EBF1: variants seen among roughly 807,000 people sequenced by gnomAD.
EBF1 encodes the protein EBF transcription factor 1.
EBF1 carries 10 observed loss-of-function variants against 68.4 expected under a neutral mutation model. The observed-to-expected ratio is 0.15, with a 90% CI of 0.09 to 0.25. EBF1 has a LOEUF of 0.25. Among genes scored for constraint, EBF1 ranks in the 10% least tolerant of loss-of-function variants. The probability of loss-of-function intolerance (pLI) is 1.00; values close to 1 mark genes in which losing one functional copy is unlikely to be tolerated. For synonymous variants in EBF1, 298 were observed against 299.8 expected (o/e 0.99, Z 0.06); for missense variants, 509 against 794.4 (o/e 0.64, Z 4.32).
At chr5:159,002,463 A>C (rs575495901) in intron 6 of EBF1, among the ~76,000 whole-genome samples, 6 of 152,184 alleles carry the variant, frequency 3.9e-5, no homozygotes, top group Non-Finnish European at 8.8e-5. Flanking sequence ...GTAGTTCATT[A>C]ATGTGAGACG....
intron 6 of EBF1, among the ~76,000 whole-genome samples, chr5:159,058,995 A>G (rs542339457): frequency 4.2e-4 from 64 of 152,350 alleles, no homozygotes; most frequent in African/African-American, 1.5e-3. Flanking sequence ...TTCCAGGGAC[A>G]TGGCCACTTC....
intron 6 of EBF1, among the ~76,000 whole-genome samples, chr5:158,982,810 G>T (rs1442299769): frequency 6.6e-6 from 1 of 151,630 alleles, no homozygotes; most frequent in African/African-American, 2.4e-5. Context: ...GTCTAAAAAG[G>T]GTCAAATTCC....
At chr5:158,832,779 A>T (rs1410901598) in intron 7 of EBF1, among the ~76,000 whole-genome samples, 1 of 152,188 alleles carries the variant, frequency 6.6e-6, no homozygotes, top group Non-Finnish European at 1.5e-5. Context: ...AACAGCAAAG[A>T]TTCTCCAAAA....
intron 10 of EBF1, among the ~76,000 whole-genome samples, chr5:158,738,182 T>G (rs1279263349): frequency 6.6e-6 from 1 of 152,188 alleles, no homozygotes; most frequent in Non-Finnish European, 1.5e-5. Flanking sequence ...TATCTCTTTC[T>G]TTTTGATGTT....
intron 6 of EBF1, among the ~76,000 whole-genome samples, chr5:159,001,352 A>T (rs1219904152): frequency 6.6e-6 from 1 of 152,194 alleles, no homozygotes; most frequent in African/African-American, 2.4e-5. Flanking sequence ...TAAATCTTCA[A>T]CAATTTTTAA....
At chr5:158,746,180 G>A (rs532811342) in intron 10 of EBF1, among the ~76,000 whole-genome samples, 10 of 152,256 alleles carry the variant, frequency 6.6e-5, no homozygotes, top group African/African-American at 1.9e-4. Flanking sequence ...ATGACAGGAC[G>A]CTGTTAGAGC....
chr5:158,991,206 C>A (rs1187390069), intron 6 of EBF1, among the ~76,000 whole-genome samples: 1 of 152,158 alleles, frequency 6.6e-6, no homozygotes, highest in African/African-American at 2.4e-5. Flanking sequence ...TTCCACAGAG[C>A]ACAATGCCTG....
chr5:159,078,727 C>T (rs904469619), intron 5 of EBF1, among the ~76,000 whole-genome samples: 4 of 152,336 alleles, frequency 2.6e-5, no homozygotes. Flanking sequence ...TGGTAGCCAG[C>T]ACCTGGTGTG....
At chr5:158,871,864 T>C (rs528456822) in intron 6 of EBF1, among the ~76,000 whole-genome samples, 86 of 152,206 alleles carry the variant, frequency 5.7e-4, no homozygotes, top group South Asian at 2.7e-3. Context: ...TTTTCTAGAA[T>C]TGAACTAAAA....
At chr5:158,963,489 G>GA (rs1267591212) in intron 6 of EBF1, among the ~76,000 whole-genome samples, 1 of 152,004 alleles carries the variant, frequency 6.6e-6, no homozygotes, top group Non-Finnish European at 1.5e-5. Flanking sequence ...CCCTCCAACT[G>GA]AAAAAACAAC....
intron 6 of EBF1, among the ~76,000 whole-genome samples, chr5:158,890,735 C>T (rs924598765): frequency 6.6e-6 from 1 of 152,210 alleles, no homozygotes; most frequent in African/African-American, 2.4e-5. Flanking sequence ...GTTTTATATA[C>T]TGAAGTTGAG....
chr5:158,893,776 A>G (rs1264471577), intron 6 of EBF1, among the ~76,000 whole-genome samples: 15 of 152,190 alleles, frequency 9.9e-5, no homozygotes, highest in Non-Finnish European at 2.2e-4. Flanking sequence ...GGAGACTTTA[A>G]GTTACTCTGC....
intron 6 of EBF1, among the ~76,000 whole-genome samples, chr5:158,992,714 A>G (rs574214234): frequency 6.6e-6 from 1 of 152,178 alleles, no homozygotes; most frequent in Admixed American, 6.5e-5. Flanking sequence ...CTTACCAATT[A>G]TATTCCTGGT....
intron 6 of EBF1, among the ~76,000 whole-genome samples, chr5:158,982,030 G>T (rs1758001983): frequency 6.6e-6 from 1 of 152,136 alleles, no homozygotes; most frequent in Non-Finnish European, 1.5e-5. Flanking sequence ...GAACTTGTTT[G>T]TGTTCCCACT....
chr5:159,036,277 C>G (rs538901818), intron 6 of EBF1, among the ~76,000 whole-genome samples: 1 of 152,200 alleles, frequency 6.6e-6, no homozygotes, highest in African/African-American at 2.4e-5. Context: ...CTACCAAGGA[C>G]TTCCTTCACA....
intron 6 of EBF1, among the ~76,000 whole-genome samples, chr5:158,894,965 C>A (rs1474478498): frequency 6.6e-6 from 1 of 152,134 alleles, no homozygotes; most frequent in African/African-American, 2.4e-5. Flanking sequence ...ACTATATATA[C>A]TGTATATTAT....
intron 7 of EBF1, among the ~76,000 whole-genome samples, chr5:158,831,818 A>T (rs945618587): frequency 2.0e-5 from 3 of 152,170 alleles, no homozygotes; most frequent in Admixed American, 6.5e-5. Context: ...CTGAATAAAA[A>T]ATATCCAGTC....
chr5:158,939,379 T>G (rs1234420328), intron 6 of EBF1, among the ~76,000 whole-genome samples: 1 of 152,156 alleles, frequency 6.6e-6, no homozygotes, highest in Non-Finnish European at 1.5e-5. Context: ...TCCAGCTGCC[T>G]TAGAGGGAGC....
intron 10 of EBF1, among the ~76,000 whole-genome samples, chr5:158,750,025 T>C (rs1768447355): frequency 6.6e-6 from 1 of 152,118 alleles, no homozygotes; most frequent in Admixed American, 6.5e-5. Flanking sequence ...GAGATTGTGG[T>C]TAGCATAACA....
Sources: gnomAD v4.1 joint callset for allele counts (sites outside exome capture counted in the v4.1 genomes callset) on GRCh38, gnomAD v4.1.1 for gene constraint, MANE v1.5 for transcripts, NCBI Gene and HGNC (gene_info 2026-07-23, HGNC 2026-07-21) for gene names.